The following MAP3K5 variants were observed in gnomAD, a reference collection of about 807,000 sequenced individuals.
MAP3K5 encodes the protein mitogen-activated protein kinase kinase kinase 5.
A neutral mutation model predicts 158.7 loss-of-function variants in MAP3K5; 56 were observed. The ratio of observed to expected loss-of-function variants is 0.35; its 90% CI spans 0.28 to 0.44. The LOEUF (loss-of-function observed/expected upper bound fraction) is 0.44, where lower values mean the gene tolerates loss of function less well. Among genes scored for constraint, MAP3K5 ranks in the 20% least tolerant of loss-of-function variants. The pLI is 1.00. For synonymous variants in MAP3K5, 579 were observed against 601.7 expected (o/e 0.96, Z 0.55); for missense variants, 1,294 against 1,674.8 (o/e 0.77, Z 3.97).
intron 15 of MAP3K5, among the ~76,000 whole-genome samples, chr6:136,616,685 GA>G (rs1294989218): frequency 6.6e-6 from 1 of 151,860 alleles, no homozygotes. Flanking sequence ...AGAAAAATCT[GA>G]AACAATCAAG....
intron 1 of MAP3K5, among the ~76,000 whole-genome samples, chr6:136,770,459 T>C (rs761303875): frequency 5.3e-5 from 8 of 152,252 alleles, no homozygotes; most frequent in African/African-American, 7.2e-5. Context: ...TAAATTTCAC[T>C]TAGCCCAAAA....
intron 7 of MAP3K5, among the ~76,000 whole-genome samples, chr6:136,674,898 A>G (rs569557874): frequency 6.7e-6 from 1 of 149,878 alleles, no homozygotes; most frequent in Non-Finnish European, 1.5e-5. Context: ...ATATTCCCAA[A>G]TTCAAAAATA....
intron 1 of MAP3K5, among the ~76,000 whole-genome samples, chr6:136,767,703 T>C (rs934084346): frequency 1.3e-5 from 2 of 152,214 alleles, no homozygotes; most frequent in Admixed American, 6.5e-5. Flanking sequence ...AAAATTCATA[T>C]GGAAATACAA....
chr6:136,560,345 T>A (rs917702546), intron 28 of MAP3K5, among the ~76,000 whole-genome samples: 10 of 152,090 alleles, frequency 6.6e-5, no homozygotes, highest in African/African-American at 2.2e-4. Context: ...CCAGGCTTAG[T>A]GGCATATGCC....
chr6:136,589,560 AATTCGT>A (rs1029295211), intron 23 of MAP3K5, among the ~76,000 whole-genome samples: 3 of 152,114 alleles, frequency 2.0e-5, no homozygotes, highest in Admixed American at 2.0e-4. Flanking sequence ...GTGTCCTCCA[AATTCGT>A]ATGTTGAAGC....
At chr6:136,792,950 C>A (rs1785154045), upstream of MAP3K5, among the ~76,000 whole-genome samples, 1 of 152,188 alleles carries the variant, frequency 6.6e-6, no homozygotes, top group Admixed American at 6.5e-5. This position sits in a 1 kb window ranked among gnomAD's most constrained non-coding sequence, Gnocchi z 5.7. Flanking sequence ...ACTGACCGCG[C>A]TGCGGCCCTG....
intron 24 of MAP3K5, 23 bp from the exon 25 acceptor site, chr6:136,580,429 C>T: frequency 6.7e-7 from 1 of 1,491,926 alleles, no homozygotes; most frequent in Non-Finnish European, 9.3e-7. Flanking sequence ...TGACATTTAG[C>T]CTACTTTAAT....
intron 1 of MAP3K5, among the ~76,000 whole-genome samples, chr6:136,750,330 G>C (rs1433366934): frequency 6.6e-6 from 1 of 151,910 alleles, no homozygotes; most frequent in East Asian, 1.9e-4. Context: ...TGCCTGCCTC[G>C]GCCTCCCAAA....
chr6:136,698,783 G>C (rs1780720937), intron 3 of MAP3K5, 101 bp from the exon 4 acceptor site: 2 of 785,054 alleles, frequency 2.5e-6, no homozygotes, highest in African/African-American at 1.8e-5. Flanking sequence ...CAAATGCAAA[G>C]GGAAATAGAA....
intron 7 of MAP3K5, among the ~76,000 whole-genome samples, chr6:136,670,258 G>T (rs1779424655): frequency 6.6e-6 from 1 of 151,930 alleles, no homozygotes; most frequent in Admixed American, 6.6e-5. Context: ...TACTTCCTAG[G>T]ATACTTTTAA....
At chr6:136,789,813 T>C (rs908441677) in intron 1 of MAP3K5, among the ~76,000 whole-genome samples, 9 of 151,314 alleles carry the variant, frequency 5.9e-5, no homozygotes, top group Non-Finnish European at 2.9e-5. Context: ...CTCAGCCTCC[T>C]GAGTAGCTAG....
At chr6:136,649,152 T>C (rs1032145284) in intron 11 of MAP3K5, among the ~76,000 whole-genome samples, 5 of 152,098 alleles carry the variant, frequency 3.3e-5, no homozygotes, top group African/African-American at 1.2e-4. Flanking sequence ...GTATTTTTAG[T>C]AGAGATGGGG....
intron 7 of MAP3K5, among the ~76,000 whole-genome samples, chr6:136,681,371 C>T (rs985286532): frequency 3.3e-5 from 5 of 152,120 alleles, no homozygotes; most frequent in South Asian, 2.1e-4. Flanking sequence ...CAATGGTTCA[C>T]GACTGTAATC....
intron 2 of MAP3K5, among the ~76,000 whole-genome samples, chr6:136,719,398 G>A (rs1026771729): frequency 6.6e-6 from 1 of 152,092 alleles, no homozygotes; most frequent in Non-Finnish European, 1.5e-5. Context: ...GTAAAGGATT[G>A]CTCTAGGATA....
intron 2 of MAP3K5, among the ~76,000 whole-genome samples, chr6:136,710,056 A>G (rs1781245077): frequency 6.6e-6 from 1 of 152,242 alleles, no homozygotes; most frequent in South Asian, 2.1e-4. Flanking sequence ...TTCACAGTTT[A>G]TCATGTAACC....
rs776447023 is a variant in MAP3K5, at chr6:136,601,838, A to T, written c.2821T>A (p.Ser941Thr). ...GGTTGTGTCTTTTTCTTTTTGCTTG[A>T]AACTTTTAAAAACTCATCAACAAGC... ...DLLVDEFLKV[S>T]SKKKKTQPKL... The change falls in exon 20 of 30, where the codon TCA becomes ACA. Residue 941 changes from serine to threonine, a missense_variant. Physicochemically the swap from Ser to Thr is moderately conservative, Grantham distance 58 (BLOSUM62 1). Coordinates refer to ENST00000359015, the MANE Select transcript of MAP3K5 (RefSeq NM_005923.4). 1 of 1,614,056 alleles carries T rather than the reference A, an allele frequency of 6.2e-7. No individual in the cohort carries two copies. The highest frequency in any genetic ancestry group is 1.3e-5 in the African/African-American group (1 of 74,920).
At chr6:136,695,893 A>G (rs1426056085) in intron 6 of MAP3K5, 58 bp downstream of exon 6, 2 of 988,720 alleles carry the variant, frequency 2.0e-6, no homozygotes, top group Non-Finnish European at 3.2e-6. Flanking sequence ...TCTGTAAAGA[A>G]TTGCAGGTTA....
intron 11 of MAP3K5, among the ~76,000 whole-genome samples, chr6:136,645,595 T>C (rs1232074088): frequency 6.6e-6 from 1 of 152,238 alleles, no homozygotes; most frequent in African/African-American, 2.4e-5. Context: ...TTTCTTTCAT[T>C]GTACACATGC....
intron 15 of MAP3K5, among the ~76,000 whole-genome samples, chr6:136,619,244 G>C (rs1583283200): frequency 6.6e-6 from 1 of 152,258 alleles, no homozygotes; most frequent in East Asian, 1.9e-4. Flanking sequence ...CCAAGGTCTG[G>C]GTTGATCTTG....
Sources: gnomAD v4.1 joint callset for allele counts (sites outside exome capture counted in the v4.1 genomes callset) on GRCh38, gnomAD v4.1.1 for gene constraint, Gnocchi (gnomAD v3.1) non-coding constraint, MANE v1.5 for transcripts, NCBI Gene and HGNC (gene_info 2026-07-23, HGNC 2026-07-21) for gene names.